Variants in CLSPN observed in about 807,000 individuals in gnomAD.
The protein encoded by CLSPN is claspin homolog.
In CLSPN, 85 loss-of-function variants were observed where a neutral mutation model predicts 156.3. The ratio of observed to expected loss-of-function variants is 0.54; its 90% CI spans 0.46 to 0.65. CLSPN has a LOEUF of 0.65. CLSPN is among the 30% of genes least tolerant of loss of function. The pLI is 0.00. For synonymous variants in CLSPN, 534 were observed against 542.4 expected, an observed-to-expected ratio of 0.98 and a Z score of 0.22; for missense variants, 1,407 against 1,554.9, an observed-to-expected ratio of 0.90 and a Z score of 1.60.
intron 9 of CLSPN, among the ~76,000 whole-genome samples, chr1:35,752,700 C>T (rs1390391275): frequency 6.6e-6 from 1 of 151,246 alleles, no homozygotes; most frequent in Non-Finnish European, 1.5e-5. Context: ...TAAACTTGAG[C>T]AAGTGTCTTA....
In CLSPN at chr1:35,765,233, G is replaced by A; in HGVS notation, c.118C>T (p.Pro40Ser). 1 of 1,611,064 alleles carries A rather than the reference G, an allele frequency of 6.2e-7. No homozygotes were observed. Among genetic ancestry groups the A allele is most frequent in the Non-Finnish European group, 8.5e-7 (1 of 1,177,534 alleles). ...SGQGSYETIG[P>S]LSEGDSDEEI... ...TATTACAAACCTCCTTCACTCAAGG[G>A]TCCAATTGTTTCATAGCTGCCCTGT... The change falls in exon 2 of 25, where the codon CCC becomes TCC. Residue 40 changes from proline to serine, a missense_variant. By Grantham distance (74) the Pro-to-Ser change is moderately conservative. Around this residue, in one of 3 missense-constraint regions of CLSPN, gnomAD observed 1,096 missense variants for 1,193.0 expected, o/e 0.92. Transcript: ENST00000318121.
chr1:35,747,655 A>G (rs1641937551), intron 14 of CLSPN, among the ~76,000 whole-genome samples: 2 of 152,220 alleles, frequency 1.3e-5, no homozygotes, highest in Admixed American at 6.5e-5. Context: ...AAATTTGATG[A>G]CCTTACAATA....
In CLSPN at chr1:35,739,482, T is replaced by C; in HGVS notation, c.3191A>G (p.Asp1064Gly). The C allele has an allele frequency of 6.2e-7, 1 of 1,614,100 alleles. No individual in the cohort carries two copies. The highest frequency in any genetic ancestry group is 1.6e-4 in the Middle Eastern group (1 of 6,062). Residue 1064 changes from aspartate (D) to glycine (G), a missense_variant, in exon 19 of 25, where the codon GAT becomes GGT. Around this residue, in one of 3 missense-constraint regions of CLSPN, gnomAD observed 70 missense variants for 121.5 expected, o/e 0.58. Transcript: ENST00000318121. ...ATCATACTCATCTTCGCTTCCCACA[T>C]CACTTCCTGACACCTCTGCCTCATC... is the stretch of plus-strand genomic sequence containing the variant. ...LEDEAEVSGS[D>G]VGSEDEYDGE... is the part of the protein sequence containing the mutation.
At position 35,738,057 on chromosome 1, in the gene CLSPN, A is replaced by C; in HGVS notation, c.3599T>G (p.Ile1200Ser). 6.9e-7 allele frequency: 1 copy of C among 1,455,600 alleles called. No individual in the cohort carries two copies. Among genetic ancestry groups the C allele is most frequent in the Non-Finnish European group, 9.2e-7 (1 of 1,092,852 alleles). The allele number at this position is 1,455,600 out of a possible 1,614,324, so 90.2% of individuals were successfully genotyped here. Residue 1200 changes from isoleucine to serine, a missense_variant, in exon 22 of 25, where the codon ATT becomes AGT. Physicochemically the swap from Ile to Ser is moderately radical, Grantham distance 142. This residue lies in a region of CLSPN where 241 missense variants were observed against 240.5 expected (regional missense o/e 1.00). Coordinates refer to ENST00000318121, the MANE Select transcript of CLSPN (RefSeq NM_022111.4). Reference protein sequence around the residue: ...GKITAEEEEEIGEDSQFMILA... With the variant: ...GKITAEEEEESGEDSQFMILA... ...TATCATAAACTGACTGTCCTCCCCAATTTCTTCTTCTTCTTCAGCTGTAAT... is the reference window on the plus strand; with the variant it reads ...TATCATAAACTGACTGTCCTCCCCACTTTCTTCTTCTTCTTCAGCTGTAAT...
chr1:35,728,921 AACACACACACACACACACACAC>A (rs58348673), downstream of CLSPN, among the ~76,000 whole-genome samples: 127 of 85,138 alleles, frequency 1.5e-3, no homozygotes, highest in Admixed American at 2.5e-3. Context: ...CCTCCCCTCA[AACACACACACACACACACACAC>A]ACACACACAC....
chr1:35,745,898 T>G (rs1049904359), intron 15 of CLSPN, among the ~76,000 whole-genome samples: 1 of 152,192 alleles, frequency 6.6e-6, no homozygotes, highest in Non-Finnish European at 1.5e-5. Flanking sequence ...ACTTTGTACA[T>G]ACATTAATCA....
downstream of CLSPN, among the ~76,000 whole-genome samples, chr1:35,729,343 G>T (rs1469209600): frequency 6.6e-6 from 1 of 152,170 alleles, no homozygotes; most frequent in Non-Finnish European, 1.5e-5. Context: ...TCTCTAAAAT[G>T]AAGGGAAGGA....
At chr1:35,722,661 T>C in intron 24 of CLSPN, among the ~76,000 whole-genome samples, 1 of 152,132 alleles carries the variant, frequency 6.6e-6, no homozygotes, top group East Asian at 1.9e-4. Flanking sequence ...AGACGGAGTC[T>C]TACTCTGTTG....
chr1:35,750,441 G>A (rs1349911132), intron 10 of CLSPN, among the ~76,000 whole-genome samples: 7 of 148,352 alleles, frequency 4.7e-5, no homozygotes, highest in East Asian at 2.0e-4. Flanking sequence ...TTGCTCTGTC[G>A]CTCAGGCTAG....
Position 35,760,390 on chromosome 1 carries a change from C to A in CLSPN, c.1531G>T (p.Gly511Cys). Residue 511 changes from glycine to cysteine, a missense_variant, in exon 8 of 25, where the codon GGT (glycine) becomes TGT (cysteine). Physicochemically the swap from Gly to Cys is radical, Grantham distance 159 (BLOSUM62 -3). Transcript: ENST00000318121. ...GVDVSIKPRL[G>C]ADEDSFVILE... Reference sequence around the variant, plus strand: ...ATCACAAAGGAATCTTCATCAGCACCTAGCCGTGGTTTAATGGAAACATCT... The same window carrying A: ...ATCACAAAGGAATCTTCATCAGCACATAGCCGTGGTTTAATGGAAACATCT... 1.2e-6 allele frequency: 2 copies of A among 1,614,198 alleles called. No homozygotes were observed.
At chr1:35,738,904 A>G (rs1359955213) in intron 20 of CLSPN, among the ~76,000 whole-genome samples, 1 of 150,628 alleles carries the variant, frequency 6.6e-6, no homozygotes, top group Non-Finnish European at 1.5e-5. Flanking sequence ...GGGTTCACGC[A>G]ATTCTCCTGC....
downstream of CLSPN, among the ~76,000 whole-genome samples, chr1:35,730,625 A>G (rs1013547205): frequency 1.3e-5 from 2 of 151,520 alleles, no homozygotes; most frequent in Admixed American, 6.6e-5. Flanking sequence ...AACCTAATTA[A>G]GAAAGGAGTG....
At chr1:35,720,974 G>C in exon 25 of CLSPN, 1 of 1,607,620 alleles carries the variant, frequency 6.2e-7, no homozygotes, top group Non-Finnish European at 8.5e-7. Context: ...TCCTTCTCTG[G>C]GATCTTCTGA....
rs748750595 is a variant in CLSPN at position 35,751,455 on chromosome 1, C to T, written c.1823G>A (p.Arg608Gln). Residue 608 changes from arginine (R) to glutamine (Q), a missense_variant, in exon 10 of 25, where the codon CGA becomes CAA. By Grantham distance (43) the Arg-to-Gln change is conservative. Coordinates refer to ENST00000318121, the MANE Select transcript of CLSPN (RefSeq NM_022111.4). ...KAKLQEAMKL[R>Q]RFEERQKRQA... ...GCGCTTCTGGCGCTCCTCAAACCTT[C>T]GGAGTTTCATTGCTTCTTGCAGTTT... 2.5e-6 allele frequency: 4 copies of T among 1,613,950 alleles called. No homozygotes were observed. Among genetic ancestry groups the T allele is most frequent in the East Asian group, 4.5e-5 (2 of 44,878 alleles).
chr1:35,738,287 T>A (rs1440914312), intron 21 of CLSPN, among the ~76,000 whole-genome samples, 168 bp downstream of exon 21: 1 of 152,160 alleles, frequency 6.6e-6, no homozygotes, highest in Non-Finnish European at 1.5e-5. Flanking sequence ...AAGAGAACTG[T>A]CTATGGTATA....
rs115320551 is a variant in CLSPN, at chr1:35,736,524, C to T, written c.3992G>A (p.Arg1331Gln). 4.0e-5 allele frequency: 64 copies of T among 1,606,834 alleles called. No homozygotes were observed. Among genetic ancestry groups the T allele is most frequent in the Admixed American group, 1.7e-4 (10 of 58,716 alleles). The change falls in exon 25 of 25, where the codon CGA becomes CAA. Residue 1331 changes from arginine (R) to glutamine (Q), a missense_variant. Arg to Gln is a conservative substitution (Grantham distance 43, BLOSUM62 1). Coordinates refer to ENST00000318121, the MANE Select transcript of CLSPN (RefSeq NM_022111.4). ...GCTCTCCAAATATTTGAAGATGCTTCGCGTCAATCCTGAAGTGCTATCATC... is the reference window on the plus strand; with the variant it reads ...GCTCTCCAAATATTTGAAGATGCTTTGCGTCAATCCTGAAGTGCTATCATC... ...KTDDSTSGLTRSIFKYLES is the reference protein window; with the variant it reads ...KTDDSTSGLTQSIFKYLES
rs1263459511 is a variant in CLSPN, at chr1:35,746,240, C to T, written c.2854+526G>A. Among the ~76,000 whole-genome samples, 3 of 152,158 alleles carry T rather than the reference C, an allele frequency of 2.0e-5. No homozygotes were observed. Among genetic ancestry groups the T allele is most frequent in the Non-Finnish European group, 4.4e-5 (3 of 68,026 alleles). On this transcript the variant is annotated intron_variant, in intron 15 of 24. Transcript: ENST00000318121. This position sits in a 1 kb window ranked among gnomAD's most constrained non-coding sequence, Gnocchi z 4.2. ...GATTACAGGCGTGAGCCACTGCGCC[C>T]GGCCTAAAGTAGTCTTAAGTTGATA...
intron 18 of CLSPN, among the ~76,000 whole-genome samples, chr1:35,741,353 T>C (rs2148614812): frequency 6.6e-6 from 1 of 152,234 alleles, no homozygotes; most frequent in East Asian, 1.9e-4. Flanking sequence ...GGAGTTTCTC[T>C]CGTCGCCCAG....
chr1:35,733,435 C>T lies in CLSPN; in HGVS notation c.*3061G>A, dbSNP rs376892752. ...CTCCTAAAGTGCTGGCGTGAGCCAC[C>T]GGACCTGGCTGAATTTTCTTATCCT... is the stretch of plus-strand genomic sequence containing the variant. On this transcript the variant is annotated 3_prime_UTR_variant, in exon 25 of 25. Transcript: ENST00000318121. 46 of 983,078 alleles carry T rather than the reference C, an allele frequency of 4.7e-5. 1 individual carries two copies. The East Asian group carries it at 1.6e-3, about 34-fold the overall frequency. The allele number at this position is 983,078 out of a possible 1,614,324, so 60.9% of individuals were successfully genotyped here.
Sources: gnomAD v4.1 joint callset for allele counts (sites outside exome capture counted in the v4.1 genomes callset) on GRCh38, gnomAD v4.1.1 for gene constraint, gnomAD v4.1.1 regional missense constraint, Gnocchi (gnomAD v3.1) non-coding constraint, MANE v1.5 for transcripts, NCBI Gene and HGNC (gene_info 2026-07-23, HGNC 2026-07-21) for gene names.